The following FRMD5 variants were observed in gnomAD, a reference collection of about 807,000 sequenced individuals.
FRMD5 encodes the protein FERM domain-containing protein 5.
A neutral mutation model predicts 69.0 loss-of-function variants in FRMD5; 20 were observed. The ratio of observed to expected loss-of-function variants is 0.29; its 90% CI spans 0.20 to 0.42. The LOEUF (loss-of-function observed/expected upper bound fraction) is 0.42, where lower values mean the gene tolerates loss of function less well. FRMD5 is among the 10% of genes least tolerant of loss of function. The pLI is 1.00. For synonymous variants in FRMD5, 271 were observed against 260.1 expected, an observed-to-expected ratio of 1.04 and a Z score of -0.40; for missense variants, 595 against 708.6, an observed-to-expected ratio of 0.84 and a Z score of 1.82.
chr15:43,872,949 A>G lies in FRMD5; in HGVS notation c.*936T>C, dbSNP rs931794308. 5.8e-6 allele frequency: 3 copies of G among 513,342 alleles called. No homozygotes were observed. The highest frequency in any genetic ancestry group is 3.4e-5 in the South Asian group (1 of 29,404). 31.8% of individuals were successfully genotyped at this position (513,342 alleles called of 1,614,324 possible). A position where few individuals can be genotyped will look rare whatever the true frequency, so the allele number is the denominator to read the frequency against. ...AATAAGCACTGCTATCCAAATCTCA[A>G]CAGTCTCTCAGGTAACTTAACTCTG... On this transcript the variant is annotated 3_prime_UTR_variant, in exon 14 of 14. Coordinates refer to ENST00000417257, the MANE Select transcript of FRMD5 (RefSeq NM_032892.5).
At chr15:43,906,702 C>G (rs28685813) in intron 5 of FRMD5, among the ~76,000 whole-genome samples, 16,961 of 147,902 alleles carry the variant, frequency 0.11, 1,859 homozygotes, top group African/African-American at 0.28. Context: ...CCTGGGTTCA[C>G]GCCATTCTCC....
At chr15:44,013,485 G>A (rs182945878) in intron 1 of FRMD5, among the ~76,000 whole-genome samples, 2 of 152,336 alleles carry the variant, frequency 1.3e-5, no homozygotes, top group East Asian at 3.9e-4. Flanking sequence ...TATCCCTAGA[G>A]ATTGGTATAA....
chr15:43,921,084 G>A (rs1814735927), intron 2 of FRMD5, among the ~76,000 whole-genome samples: 2 of 152,210 alleles, frequency 1.3e-5, no homozygotes, highest in African/African-American at 4.8e-5. Flanking sequence ...ACTCAATGTG[G>A]TTAAGAGGCC....
intron 1 of FRMD5, among the ~76,000 whole-genome samples, chr15:44,185,809 C>T (rs1273656044): frequency 6.6e-6 from 1 of 150,988 alleles, no homozygotes; most frequent in Non-Finnish European, 1.5e-5. Context: ...AAAAAAAATG[C>T]TCTAGAGGCA....
chr15:43,890,904 G>A (rs1210177027), intron 8 of FRMD5, among the ~76,000 whole-genome samples: 2 of 152,178 alleles, frequency 1.3e-5, no homozygotes, highest in African/African-American at 4.8e-5. Flanking sequence ...CAGTGGGGGA[G>A]CTGAAGAGGG....
At chr15:44,147,813 T>C (rs545530728) in intron 1 of FRMD5, among the ~76,000 whole-genome samples, 1 of 152,270 alleles carries the variant, frequency 6.6e-6, no homozygotes, top group African/African-American at 2.4e-5. Flanking sequence ...TCAGCTGTTA[T>C]CACATTAGCA....
At chr15:44,051,800 T>C (rs1892678914) in intron 1 of FRMD5, among the ~76,000 whole-genome samples, 1 of 152,168 alleles carries the variant, frequency 6.6e-6, no homozygotes, top group Admixed American at 6.5e-5. Flanking sequence ...CATGATTAAC[T>C]GAGCTTATAG....
chr15:43,875,910 G>A (rs1409491500), intron 13 of FRMD5: 5 of 834,568 alleles, frequency 6.0e-6, no homozygotes, highest in Non-Finnish European at 1.0e-5. Flanking sequence ...TGCTGGGTCT[G>A]TAAACACAGG....
At chr15:44,005,754 T>A (rs1299071991) in intron 1 of FRMD5, among the ~76,000 whole-genome samples, 1 of 152,112 alleles carries the variant, frequency 6.6e-6, no homozygotes, top group Non-Finnish European at 1.5e-5. Context: ...ACTAGGGGGA[T>A]GATGCTAAAC....
At chr15:44,135,911 T>A (rs1240171228) in intron 1 of FRMD5, among the ~76,000 whole-genome samples, 2 of 152,120 alleles carry the variant, frequency 1.3e-5, no homozygotes, top group African/African-American at 4.8e-5. Flanking sequence ...TTTTTGCTTA[T>A]TTCCTGAACT....
intron 1 of FRMD5, among the ~76,000 whole-genome samples, chr15:44,032,251 G>T (rs1284543523): frequency 6.6e-6 from 1 of 152,040 alleles, no homozygotes; most frequent in Non-Finnish European, 1.5e-5. Context: ...TGAAAACCCT[G>T]GAAGACAACC....
intron 7 of FRMD5, among the ~76,000 whole-genome samples, chr15:43,900,963 G>C (rs2089032490): frequency 6.6e-6 from 1 of 152,170 alleles, no homozygotes; most frequent in Admixed American, 6.5e-5. Flanking sequence ...AAATTCATAT[G>C]TTGACATTGT....
chr15:43,966,504 C>T (rs540426149), intron 1 of FRMD5, among the ~76,000 whole-genome samples: 3 of 152,022 alleles, frequency 2.0e-5, no homozygotes, highest in Non-Finnish European at 1.5e-5. Context: ...TGATTAATTG[C>T]CAAACCAATC....
chr15:44,026,626 C>T (rs1891441112), intron 1 of FRMD5, among the ~76,000 whole-genome samples: 1 of 152,118 alleles, frequency 6.6e-6, no homozygotes, highest in Non-Finnish European at 1.5e-5. Flanking sequence ...GAAGTTAGGA[C>T]TATTATTTTT....
chr15:44,196,051 C>T (rs2078291168), upstream of FRMD5, among the ~76,000 whole-genome samples: 1 of 152,186 alleles, frequency 6.6e-6, no homozygotes, highest in African/African-American at 2.4e-5. Flanking sequence ...GTATACATCA[C>T]AAAGAATTGT....
chr15:44,152,672 T>C (rs1033128938), intron 1 of FRMD5, among the ~76,000 whole-genome samples: 1 of 152,206 alleles, frequency 6.6e-6, no homozygotes, highest in Admixed American at 6.5e-5. Context: ...TCTACTGATA[T>C]TGCACATCAA....
chr15:44,122,577 C>T (rs962016182), intron 1 of FRMD5, among the ~76,000 whole-genome samples: 12 of 149,154 alleles, frequency 8.0e-5, no homozygotes, highest in African/African-American at 2.5e-4. Context: ...TCAAACAAAA[C>T]AAAACAAAAC....
At chr15:44,105,086 C>CT (rs71299549) in intron 1 of FRMD5, among the ~76,000 whole-genome samples, 97,456 of 136,940 alleles carry the variant, frequency 0.71, 35,526 homozygotes, top group East Asian at 0.96. Context: ...AAATTCTTTT[C>CT]TTTTTTTTTT....
At chr15:43,880,440 C>T (rs2140346434) in intron 13 of FRMD5, among the ~76,000 whole-genome samples, 1 of 152,284 alleles carries the variant, frequency 6.6e-6, no homozygotes, top group African/African-American at 2.4e-5. Flanking sequence ...GCAAGCCCTC[C>T]TCTTGAAAGA....
Sources: allele counts gnomAD v4.1 joint callset (sites outside exome capture counted in the v4.1 genomes callset), GRCh38; gene constraint gnomAD v4.1.1; transcripts MANE v1.5; gene names NCBI Gene and HGNC (gene_info 2026-07-23, HGNC 2026-07-21).